The following CNTN6 variants were observed in gnomAD, a reference collection of about 807,000 sequenced individuals.
CNTN6 encodes the protein contactin-6.
A neutral mutation model predicts 122.8 loss-of-function variants in CNTN6; 137 were observed. The observed-to-expected ratio is 1.12, with a 90% CI of 0.97 to 1.29. CNTN6 has a LOEUF of 1.29. Ranked by LOEUF, CNTN6 falls within the 50% of genes most tolerant of loss-of-function variation. The probability of loss-of-function intolerance (pLI) is 0.00; values close to 1 mark genes in which losing one functional copy is unlikely to be tolerated. For synonymous variants in CNTN6, 570 were observed against 426.0 expected, an observed-to-expected ratio of 1.34 and a Z score of -4.16; for missense variants, 1,634 against 1,223.4, an observed-to-expected ratio of 1.34 and a Z score of -5.01.
chr3:1,403,027 C>T (rs1198366632), intron 22 of CNTN6, among the ~76,000 whole-genome samples: 5 of 152,056 alleles, frequency 3.3e-5, no homozygotes, highest in African/African-American at 1.2e-4. Flanking sequence ...TACTCATCTG[C>T]CTGAAGCTGT....
intron 7 of CNTN6, among the ~76,000 whole-genome samples, chr3:1,300,513 G>GGGA (rs1697082290): frequency 1.5e-5 from 2 of 137,086 alleles, no homozygotes; most frequent in South Asian, 2.3e-4. Flanking sequence ...GAAAGAGAAA[G>GGGA]AAAGAAAGAA....
intron 4 of CNTN6, among the ~76,000 whole-genome samples, chr3:1,231,641 G>A (rs2094353597): frequency 6.6e-6 from 1 of 152,192 alleles, no homozygotes; most frequent in Non-Finnish European, 1.5e-5. Context: ...AATCAAATCT[G>A]TCTTTAACCA....
intron 4 of CNTN6, among the ~76,000 whole-genome samples, chr3:1,257,308 C>G (rs886176616): frequency 5.3e-5 from 8 of 151,790 alleles, no homozygotes; most frequent in African/African-American, 1.9e-4. Context: ...TTTAACTTGG[C>G]TAGTTGTGTT....
At chr3:1,402,647 C>T in intron 22 of CNTN6, 161 bp downstream of exon 22, 5 of 560,230 alleles carry the variant, frequency 8.9e-6, no homozygotes, top group Admixed American at 6.6e-5. Flanking sequence ...AAGTTATTCT[C>T]CAAAATTATA....
At chr3:1,169,077 G>A (rs1436405170) in intron 2 of CNTN6, among the ~76,000 whole-genome samples, 1 of 152,102 alleles carries the variant, frequency 6.6e-6, no homozygotes, top group African/African-American at 2.4e-5. Flanking sequence ...GGCAGAGGAA[G>A]GATGGTATGA....
intron 1 of CNTN6, among the ~76,000 whole-genome samples, chr3:1,140,510 A>G (rs1044908607): frequency 6.6e-6 from 1 of 152,210 alleles, no homozygotes; most frequent in Non-Finnish European, 1.5e-5. Context: ...AGCTATGAAA[A>G]TAGAAAGCTG....
chr3:1,368,366 T>A (rs1708523960), intron 12 of CNTN6, among the ~76,000 whole-genome samples: 1 of 152,216 alleles, frequency 6.6e-6, no homozygotes, highest in Non-Finnish European at 1.5e-5. Context: ...AAGAGTTAAA[T>A]CTTTTTAGAA....
At position 1,317,236 on chromosome 3, in the gene CNTN6, G is replaced by GTTT. The variant is rs61290953; in HGVS notation, c.762-4410_762-4408dup. ...TATCATTATTTTTTGATAATTTGTT[G>GTTT]TTTTTTCTTGCTGTGAGGATTCTAA... On this transcript the variant is annotated intron_variant, in intron 7 of 22. Transcript: ENST00000446702. 4.6e-3 allele frequency among the ~76,000 whole-genome samples: 703 copies of GTTT among 151,420 alleles called. 4 individuals carry two copies. The highest frequency in any genetic ancestry group is 0.016 in the African/African-American group (667 of 41,298).
chr3:1,309,383 A>G (rs58725885), intron 7 of CNTN6, among the ~76,000 whole-genome samples: 1,653 of 152,324 alleles, frequency 0.011, 30 homozygotes, highest in African/African-American at 0.038. Flanking sequence ...TGTTAAAAAG[A>G]CAAATTTTTC....
At chr3:1,252,497 T>C (rs2094687223) in intron 4 of CNTN6, among the ~76,000 whole-genome samples, 1 of 152,180 alleles carries the variant, frequency 6.6e-6, no homozygotes, top group African/African-American at 2.4e-5. Flanking sequence ...TAAACACAGA[T>C]GGATGAATAT....
chr3:1,381,648 C>T (rs1000407862), intron 17 of CNTN6, among the ~76,000 whole-genome samples: 2 of 152,130 alleles, frequency 1.3e-5, no homozygotes, highest in African/African-American at 4.8e-5. Context: ...TCAGTTCCTC[C>T]CATTTCCTTT....
At chr3:1,259,714 C>T (rs2094813939) in intron 4 of CNTN6, among the ~76,000 whole-genome samples, 1 of 152,058 alleles carries the variant, frequency 6.6e-6, no homozygotes, top group Non-Finnish European at 1.5e-5. Context: ...CCTTAATTTT[C>T]TCATTCATGA....
chr3:1,387,693 CAGTGGGTG>C, intron 20 of CNTN6, among the ~76,000 whole-genome samples: 1 of 152,304 alleles, frequency 6.6e-6, no homozygotes, highest in East Asian at 1.9e-4. Flanking sequence ...GGGCGCAGGT[CAGTGGGTG>C]AGCGCACCGT....
chr3:1,254,484 A>T (rs2094721097), intron 4 of CNTN6, among the ~76,000 whole-genome samples: 1 of 152,190 alleles, frequency 6.6e-6, no homozygotes. Context: ...GGAACAATAC[A>T]CTATAAAGGT....
At chr3:1,245,311 T>TAAC (rs1389595111) in intron 4 of CNTN6, among the ~76,000 whole-genome samples, 1 of 17,606 alleles carries the variant, frequency 5.7e-5, no homozygotes. Flanking sequence ...TATATATATA[T>TAAC]ATATATATAT....
chr3:1,300,284 C>T (rs1050563904), intron 7 of CNTN6, among the ~76,000 whole-genome samples: 11 of 152,168 alleles, frequency 7.2e-5, no homozygotes, highest in Non-Finnish European at 1.3e-4. Flanking sequence ...CTGCGCCGAC[C>T]GCATTCTGCT....
At chr3:1,214,984 C>T (rs1388403541) in intron 2 of CNTN6, among the ~76,000 whole-genome samples, 2 of 152,178 alleles carry the variant, frequency 1.3e-5, no homozygotes, top group Non-Finnish European at 2.9e-5. Flanking sequence ...GTCTCAAACT[C>T]TTAGCCTCAA....
intron 17 of CNTN6, among the ~76,000 whole-genome samples, chr3:1,379,113 G>C (rs11708128): frequency 6.6e-6 from 1 of 151,974 alleles, no homozygotes; most frequent in African/African-American, 2.4e-5. Flanking sequence ...TGTTGCAATT[G>C]CTTGTACACA....
chr3:1,156,725 C>A (rs951784282), intron 2 of CNTN6, among the ~76,000 whole-genome samples: 1 of 142,048 alleles, frequency 7.0e-6, no homozygotes, highest in African/African-American at 2.6e-5. Context: ...CTTTCTTTTT[C>A]TTTCTTTTTT....
Sources: allele counts gnomAD v4.1 joint callset (sites outside exome capture counted in the v4.1 genomes callset), GRCh38; gene constraint gnomAD v4.1.1; transcripts MANE v1.5; gene names NCBI Gene and HGNC (gene_info 2026-07-23, HGNC 2026-07-21).